Variants in ARSB observed in about 807,000 individuals in gnomAD.
The protein encoded by ARSB is arylsulfatase B.
ARSB carries 41 observed loss-of-function variants against 50.9 expected under a neutral mutation model. That is an observed-to-expected ratio of 0.81 (90% CI 0.63 to 1.04). ARSB has a LOEUF of 1.04. ARSB is among the 50% of genes least tolerant of loss of function. The pLI, the probability that ARSB is intolerant of heterozygous loss-of-function variation, is 0.00. For synonymous variants in ARSB, 269 were observed against 284.8 expected (o/e 0.94, Z 0.56); for missense variants, 672 against 693.3 (o/e 0.97, Z 0.35).
At chr5:78,977,918 T>C (rs1010261028) in intron 1 of ARSB, among the ~76,000 whole-genome samples, 1 of 152,188 alleles carries the variant, frequency 6.6e-6, no homozygotes, top group African/African-American at 2.4e-5. Flanking sequence ...AATGAACTAC[T>C]GAAAATAAAA....
intron 6 of ARSB, among the ~76,000 whole-genome samples, chr5:78,817,405 T>C (rs1433066005): frequency 6.6e-6 from 1 of 152,108 alleles, no homozygotes; most frequent in African/African-American, 2.4e-5. Context: ...GAAATATAAA[T>C]AAAGATAAAA....
intron 5 of ARSB, among the ~76,000 whole-genome samples, chr5:78,866,640 G>A (rs968474142): frequency 1.2e-4 from 18 of 152,328 alleles, no homozygotes; most frequent in African/African-American, 3.8e-4. Context: ...TGTGCAGGAC[G>A]AGAGTGGCTG....
At chr5:78,822,778 C>T (rs553968821) in intron 6 of ARSB, among the ~76,000 whole-genome samples, 4 of 152,250 alleles carry the variant, frequency 2.6e-5, no homozygotes, top group African/African-American at 9.6e-5. Flanking sequence ...GCTGGGACTA[C>T]AGATGTGTGC....
intron 5 of ARSB, chr5:78,882,805 A>G (rs1355400660): frequency 1.1e-5 from 1 of 91,354 alleles, no homozygotes; most frequent in African/African-American, 4.2e-5. Context: ...TTTTTTTGAG[A>G]CGGAGTCTTA....
At chr5:78,787,527 G>A (rs1580968781) in intron 6 of ARSB, among the ~76,000 whole-genome samples, 1 of 152,218 alleles carries the variant, frequency 6.6e-6, no homozygotes, top group African/African-American at 2.4e-5. Context: ...ATTAACAACT[G>A]TATGTGGTAA....
chr5:78,873,240 G>A (rs1215077844), intron 5 of ARSB, among the ~76,000 whole-genome samples: 1 of 151,866 alleles, frequency 6.6e-6, no homozygotes, highest in Non-Finnish European at 1.5e-5. Flanking sequence ...TTAAAGGAAG[G>A]GAACTGGGAA....
chr5:78,948,437 C>A (rs1240103384), intron 4 of ARSB, among the ~76,000 whole-genome samples: 2 of 151,394 alleles, frequency 1.3e-5, no homozygotes, highest in South Asian at 2.1e-4. Flanking sequence ...TACTATATAC[C>A]CATAAAAATA....
intron 4 of ARSB, among the ~76,000 whole-genome samples, chr5:78,900,083 G>A (rs1156805669): frequency 6.6e-6 from 1 of 152,134 alleles, no homozygotes; most frequent in African/African-American, 2.4e-5. Flanking sequence ...CCAAATGGGG[G>A]AGTCACCAAA....
At chr5:78,834,700 C>T (rs1209688002) in intron 6 of ARSB, among the ~76,000 whole-genome samples, 1 of 143,258 alleles carries the variant, frequency 7.0e-6, no homozygotes, top group East Asian at 2.1e-4. Flanking sequence ...TTGCTACTAC[C>T]TTTTGGCTGT....
chr5:78,807,803 A>C (rs559728343), intron 6 of ARSB, among the ~76,000 whole-genome samples: 1 of 152,340 alleles, frequency 6.6e-6, no homozygotes, highest in African/African-American at 2.4e-5. Context: ...CAAATACTTA[A>C]AAAACATAGG....
chr5:78,834,607 G>GCATATA (rs1744854334), intron 6 of ARSB, among the ~76,000 whole-genome samples: 1 of 85,602 alleles, frequency 1.2e-5, no homozygotes, highest in African/African-American at 4.0e-5. Context: ...ATATATATGT[G>GCATATA]TATATATATA....
intron 6 of ARSB, among the ~76,000 whole-genome samples, chr5:78,820,300 GAT>G (rs1373539052): frequency 6.6e-6 from 1 of 152,190 alleles, no homozygotes; most frequent in African/African-American, 2.4e-5. Flanking sequence ...TGGATTTAGG[GAT>G]ATTTAGGAAA....
intron 6 of ARSB, among the ~76,000 whole-genome samples, chr5:78,796,110 G>A (rs538746504): frequency 2.6e-5 from 4 of 152,312 alleles, no homozygotes; most frequent in East Asian, 1.9e-4. Context: ...ACTCATGACC[G>A]TTGTAGTAAA....
At position 78,804,762 on chromosome 5, in the gene ARSB, T is replaced by A. The variant is rs540812427; in HGVS notation, c.1214-22788A>T. On this transcript the variant is annotated intron_variant, in intron 6 of 7. Transcript: ENST00000264914. ...GTATGGTTGGCTGCAGTCATTGGCC[T>A]CTGACCTCCCAGCTCCCGGACAGTG... 4.6e-5 allele frequency among the ~76,000 whole-genome samples: 7 copies of A among 152,314 alleles called. No homozygotes were observed. In the East Asian group the frequency reaches 1.2e-3, roughly 25 times the overall value.
At chr5:78,930,539 T>C (rs888805058) in intron 4 of ARSB, among the ~76,000 whole-genome samples, 3 of 152,192 alleles carry the variant, frequency 2.0e-5, no homozygotes, top group Non-Finnish European at 2.9e-5. Context: ...AAAAAGATCA[T>C]AAAGATTACA....
At chr5:78,966,002 C>G (rs537896815) in intron 2 of ARSB, among the ~76,000 whole-genome samples, 2 of 152,078 alleles carry the variant, frequency 1.3e-5, no homozygotes, top group African/African-American at 4.8e-5. Context: ...TAATTTCAGC[C>G]CTTACATGGG....
At chr5:78,976,421 G>C (rs1451729622) in intron 1 of ARSB, among the ~76,000 whole-genome samples, 1 of 150,836 alleles carries the variant, frequency 6.6e-6, no homozygotes, top group Non-Finnish European at 1.5e-5. Flanking sequence ...CCTGCCCCCG[G>C]GTCTCAACCT....
intron 4 of ARSB, among the ~76,000 whole-genome samples, chr5:78,926,257 G>C (rs144148386): frequency 9.2e-5 from 14 of 152,176 alleles, no homozygotes; most frequent in Non-Finnish European, 2.1e-4. Context: ...CAGCAAACAA[G>C]TTAAGCATCT....
chr5:78,949,692 C>A (rs538576728), intron 4 of ARSB, among the ~76,000 whole-genome samples: 1 of 152,132 alleles, frequency 6.6e-6, no homozygotes, highest in Non-Finnish European at 1.5e-5. Flanking sequence ...GGTGGATTGC[C>A]TGAGCTCAGG....
Sources: gnomAD v4.1 joint callset for allele counts (sites outside exome capture counted in the v4.1 genomes callset) on GRCh38, gnomAD v4.1.1 for gene constraint, MANE v1.5 for transcripts, NCBI Gene and HGNC (gene_info 2026-07-23, HGNC 2026-07-21) for gene names.